The following OR8K3 variants were observed in gnomAD, a reference collection of about 807,000 sequenced individuals.
The protein encoded by OR8K3 is olfactory receptor family 8 subfamily K member 3 (gene/pseudogene).
For missense variants in OR8K3, 448 were observed against 367.4 expected (o/e 1.22, Z -1.79); for synonymous variants, 167 against 138.8 (o/e 1.20, Z -1.43).
At position 56,320,173 on chromosome 11, in the gene OR8K3, G is replaced by C. The variant is rs984275909; in HGVS notation, c.*928G>C. 1 of 152,124 alleles carries C rather than the reference G, an allele frequency of 6.6e-6. No homozygotes were observed. Among genetic ancestry groups the C allele is most frequent in the African/African-American group, 2.4e-5 (1 of 41,432 alleles). The allele number at this position is 152,124 out of a possible 1,614,324, so 9.4% of individuals were successfully genotyped here. A position where few individuals can be genotyped will look rare whatever the true frequency, so the allele number is the denominator to read the frequency against. On this transcript the variant is annotated 3_prime_UTR_variant, in exon 3 of 3. Coordinates refer to ENST00000641662, the MANE Select transcript of OR8K3 (RefSeq NM_001005202.2). ...TAACTTTGTAGTCTCTCACTGAGTT[G>C]ACAATCCATAATTTTTATCAATATG...
intron 2 of OR8K3, among the ~76,000 whole-genome samples, chr11:56,316,603 A>G (rs1335954349): frequency 6.6e-6 from 1 of 151,950 alleles, no homozygotes; most frequent in Non-Finnish European, 1.5e-5. Flanking sequence ...TGTGGCTTGC[A>G]TGTTCAGAAA....
chr11:56,318,794 T>A lies in OR8K3; in HGVS notation c.488T>A (p.Ile163Asn). Reference sequence around the variant, plus strand: ...ATTTCTCTTCTAGTCACCATAAAGATTTTTACTTTATCCTTCTGTGGCTAC... The same window carrying A: ...ATTTCTCTTCTAGTCACCATAAAGAATTTTACTTTATCCTTCTGTGGCTAC... ...TFISLLVTIK[I>N]FTLSFCGYNV... Residue 163 changes from isoleucine (I) to asparagine (N), a missense_variant, in exon 3 of 3, where the codon ATT (isoleucine) becomes AAT (asparagine). Ile to Asn is a moderately radical substitution (Grantham distance 149, BLOSUM62 -3). Coordinates refer to ENST00000641662, the MANE Select transcript of OR8K3 (RefSeq NM_001005202.2). The A allele has an allele frequency of 6.2e-7, 1 of 1,613,792 alleles. No homozygotes were observed.
intron 2 of OR8K3, among the ~76,000 whole-genome samples, chr11:56,317,200 T>G (rs1854455651): frequency 6.6e-6 from 1 of 152,000 alleles, no homozygotes; most frequent in Non-Finnish European, 1.5e-5. Flanking sequence ...TTGTCACAAT[T>G]AAAACAAATA....
At chr11:56,316,962 A>G (rs1425537871) in intron 2 of OR8K3, among the ~76,000 whole-genome samples, 1 of 152,014 alleles carries the variant, frequency 6.6e-6, no homozygotes, top group Non-Finnish European at 1.5e-5. Context: ...AAATGTTATT[A>G]AATTCGTTGT....
intron 2 of OR8K3, among the ~76,000 whole-genome samples, chr11:56,317,731 T>C (rs1228390297): frequency 1.3e-5 from 2 of 152,126 alleles, no homozygotes; most frequent in African/African-American, 4.8e-5. Flanking sequence ...ATATCAGATA[T>C]CCACGGTATT....
rs965790413 is a variant in OR8K3, at chr11:56,316,045, A to G, written c.-36A>G. 10 of 152,124 alleles carry G rather than the reference A, an allele frequency of 6.6e-5. No individual in the cohort carries two copies. Among genetic ancestry groups the G allele is most frequent in the South Asian group, 2.1e-4 (1 of 4,826 alleles). The allele number at this position is 152,124 out of a possible 1,614,324, so 9.4% of individuals were successfully genotyped here. A position where few individuals can be genotyped will look rare whatever the true frequency, so the allele number is the denominator to read the frequency against. ...GAACCTCATTTATATTTCCTTACCTAACAAGAAAACAGGTACTTATCCATG... is the reference window on the plus strand; with the variant it reads ...GAACCTCATTTATATTTCCTTACCTGACAAGAAAACAGGTACTTATCCATG... On this transcript the variant is annotated 5_prime_UTR_variant, in exon 2 of 3. Transcript: ENST00000641662.
At position 56,320,436 on chromosome 11, in the gene OR8K3, CAT is replaced by C. The variant is rs1238367592; in HGVS notation, c.*1194_*1195del. 9.9e-5 allele frequency: 15 copies of C among 152,276 alleles called. No homozygotes were observed. The highest frequency in any genetic ancestry group is 7.8e-4 in the Admixed American group (12 of 15,300). 9.4% of individuals were successfully genotyped at this position (152,276 alleles called of 1,614,324 possible). A position where few individuals can be genotyped will look rare whatever the true frequency, so the allele number is the denominator to read the frequency against. On this transcript the variant is annotated 3_prime_UTR_variant, in exon 3 of 3. Transcript: ENST00000641662. ...TAAACATGGTTGCTTTCCTTAACTC[CAT>C]ATGTTTTCTTATGTATTTTGATTTC...
rs1590838474 is a variant in OR8K3, at chr11:56,318,408, C to T, written c.102C>T (p.Ile34=). Residue 34 remains isoleucine, a synonymous_variant, in exon 3 of 3, where the codon ATC becomes ATT. Transcript: ENST00000641662. ...CATTATTTGCATTGTTCCTCATGAT[C>T]TATGTGATCTCAGTGATGGGCAATT... is the stretch of plus-strand genomic sequence containing the variant. The part of the protein sequence containing the change: ...QAPLFALFLM[I]YVISVMGNLG... The T allele has an allele frequency of 1.2e-6, 2 of 1,613,682 alleles. No homozygotes were observed. The highest frequency in any genetic ancestry group is 1.7e-5 in the Admixed American group (1 of 59,976).
chr11:56,319,089 C>CAAGT lies in OR8K3; in HGVS notation c.784_787dup (p.Ser263Ter). 1 of 1,614,050 alleles carries CAAGT rather than the reference C, an allele frequency of 6.2e-7. No individual in the cohort carries two copies. The highest frequency in any genetic ancestry group is 8.5e-7 in the Non-Finnish European group (1 of 1,179,952). On this transcript the variant is annotated frameshift_variant, in exon 3 of 3. Coordinates refer to ENST00000641662, the MANE Select transcript of OR8K3 (RefSeq NM_001005202.2). LOFTEE classifies it low-confidence loss of function (END_TRUNC). Reference sequence around the variant, plus strand: ...CTTTGCTTTTCATGTACGTGCAGCCCAAGTCCAGTCATTCCTTTGACACTG... The same window carrying CAAGT: ...CTTTGCTTTTCATGTACGTGCAGCCCAAGTAAGTCCAGTCATTCCTTTGACACTG...
chr11:56,319,230 T>A lies in OR8K3; in HGVS notation c.924T>A (p.Cys308Ter). 6.3e-7 allele frequency: 1 copy of A among 1,594,978 alleles called. No individual in the cohort carries two copies. The highest frequency in any genetic ancestry group is 2.2e-5 in the East Asian group (1 of 44,718). The change falls in exon 3 of 3, where the codon TGT becomes TGA. Residue 308 changes from cysteine (C) to a stop codon, truncating the protein, a stop_gained. Coordinates refer to ENST00000641662, the MANE Select transcript of OR8K3 (RefSeq NM_001005202.2). LOFTEE classifies it low-confidence loss of function (END_TRUNC). ...TACGAAGGACATGGAATAACTTATG[T>A]AATATTTTTGTTTAAATTTTGTACA... ...YALRRTWNNL[C>*]NIFV
chr11:56,318,858 G>A lies in OR8K3; in HGVS notation c.552G>A (p.Leu184=). 1 of 1,614,026 alleles carries A rather than the reference G, an allele frequency of 6.2e-7. No individual in the cohort carries two copies. Among genetic ancestry groups the A allele is most frequent in the Non-Finnish European group, 8.5e-7 (1 of 1,179,948 alleles). Residue 184 remains leucine (L), a synonymous_variant, in exon 3 of 3, where the codon TTG becomes TTA. Transcript: ENST00000641662. ...ATTTCTACTGTGACAGTCTCCCTTT[G>A]TTACCTTTGCTTTGTTCAAATACAC... is the stretch of plus-strand genomic sequence containing the variant. ...ISHFYCDSLP[L]LPLLCSNTHE...
In OR8K3 at chr11:56,318,591, T is replaced by A. The variant is rs200152123; in HGVS notation, c.285T>A (p.Tyr95Ter). The A allele has an allele frequency of 5.6e-6, 9 of 1,613,420 alleles. No individual in the cohort carries two copies. Among genetic ancestry groups the A allele is most frequent in the Non-Finnish European group, 5.9e-6 (7 of 1,179,730 alleles). Residue 95 changes from tyrosine (Y) to a stop codon, truncating the protein, a stop_gained, in exon 3 of 3, where the codon TAT (tyrosine) becomes TAA (stop). Transcript: ENST00000641662. LOFTEE classifies it low-confidence loss of function (END_TRUNC). ...TGGATAAGAATATAATTTCTTATTA[T>A]TTTTGTGCAACACAGCTAGCTTTCT... is the stretch of plus-strand genomic sequence containing the variant. ...FVVDKNIISY[Y>*]FCATQLAFFL... is the part of the protein sequence containing the mutation.
At chr11:56,316,362 G>A (rs1256059779) in intron 2 of OR8K3, among the ~76,000 whole-genome samples, 1 of 151,792 alleles carries the variant, frequency 6.6e-6, no homozygotes, top group Non-Finnish European at 1.5e-5. Flanking sequence ...TGAGATTGCT[G>A]TCACTATAAT....
chr11:56,320,199 C>T lies in OR8K3; in HGVS notation c.*954C>T, dbSNP rs1030591064. 1 of 152,192 alleles carries T rather than the reference C, an allele frequency of 6.6e-6. No individual in the cohort carries two copies. The highest frequency in any genetic ancestry group is 1.5e-5 in the Non-Finnish European group (1 of 68,042). 9.4% of individuals were successfully genotyped at this position (152,192 alleles called of 1,614,324 possible). On this transcript the variant is annotated 3_prime_UTR_variant, in exon 3 of 3. Transcript: ENST00000641662. ...ACAATCCATAATTTTTATCAATATG[C>T]ACTATATCGAATGCACTATATTTTC... is the stretch of plus-strand genomic sequence containing the variant.
chr11:56,318,891 T>C lies in OR8K3; in HGVS notation c.585T>C (p.Ile195=). The part of the protein sequence containing the change: ...LPLLCSNTHE[I]ELIILIFAAI... ...TGCTTTGTTCAAATACACATGAAAT[T>C]GAATTGATAATTCTGATCTTTGCAG... The change falls in exon 3 of 3, where the codon ATT becomes ATC. Residue 195 remains isoleucine (I), a synonymous_variant. Coordinates refer to ENST00000641662, the MANE Select transcript of OR8K3 (RefSeq NM_001005202.2). The C allele has an allele frequency of 6.2e-7, 1 of 1,613,936 alleles. No individual in the cohort carries two copies. The highest frequency in any genetic ancestry group is 8.5e-7 in the Non-Finnish European group (1 of 1,179,776).
chr11:56,316,584 C>G (rs1407480212), intron 2 of OR8K3, among the ~76,000 whole-genome samples: 1 of 151,852 alleles, frequency 6.6e-6, no homozygotes, highest in Non-Finnish European at 1.5e-5. Flanking sequence ...TACCATATTT[C>G]CTAGTTTCTG....
rs1854474507 is a variant in OR8K3 at position 56,318,457 on chromosome 11, T to C, written c.151T>C (p.Leu51=). The change falls in exon 3 of 3, where the codon TTG becomes CTG. Residue 51 remains leucine, a synonymous_variant. Coordinates refer to ENST00000641662, the MANE Select transcript of OR8K3 (RefSeq NM_001005202.2). ...GNLGMIVLTK[L]DSRLQTPMYF... Reference sequence around the variant, plus strand: ...TTTGGGCATGATTGTCCTCACCAAGTTGGACTCCAGGTTGCAAACCCCTAT... The same window carrying C: ...TTTGGGCATGATTGTCCTCACCAAGCTGGACTCCAGGTTGCAAACCCCTAT... 2 of 1,614,150 alleles carry C rather than the reference T, an allele frequency of 1.2e-6. No individual in the cohort carries two copies. The highest frequency in any genetic ancestry group is 1.7e-6 in the Non-Finnish European group (2 of 1,179,988).
At position 56,318,689 on chromosome 11, in the gene OR8K3, A is replaced by T; in HGVS notation, c.383A>T (p.Asn128Ile). The change falls in exon 3 of 3, where the codon AAC becomes ATC. Residue 128 changes from asparagine to isoleucine, a missense_variant. Asn to Ile is a moderately radical substitution (Grantham distance 149). Coordinates refer to ENST00000641662, the MANE Select transcript of OR8K3 (RefSeq NM_001005202.2). ...TACGACCTCTATGTGGCCATCTGTA[A>T]CCCTCTGCTATACACAGTAATCATG... The part of the protein sequence containing the change: ...MSYDLYVAIC[N>I]PLLYTVIMSR... 3.7e-6 allele frequency: 6 copies of T among 1,613,916 alleles called. No homozygotes were observed. The highest frequency in any genetic ancestry group is 4.2e-6 in the Non-Finnish European group (5 of 1,179,930).
At chr11:56,317,486 T>C (rs1464432909) in intron 2 of OR8K3, among the ~76,000 whole-genome samples, 3 of 152,158 alleles carry the variant, frequency 2.0e-5, no homozygotes, top group Non-Finnish European at 2.9e-5. Context: ...ATTGCCACTG[T>C]CATCTGTTAT....
Sources: gnomAD v4.1 joint callset for allele counts (sites outside exome capture counted in the v4.1 genomes callset) on GRCh38, gnomAD v4.1.1 for gene constraint, MANE v1.5 for transcripts, NCBI Gene and HGNC (gene_info 2026-07-23, HGNC 2026-07-21) for gene names.